The following CCDC78 variants were observed in gnomAD, a reference collection of about 807,000 sequenced individuals.
The protein encoded by CCDC78 is coiled-coil domain containing 78.
CCDC78 carries 78 observed loss-of-function variants against 61.9 expected under a neutral mutation model. The ratio of observed to expected loss-of-function variants is 1.26; its 90% CI spans 1.05 to 1.52. CCDC78 has a LOEUF of 1.52. Among genes scored for constraint, CCDC78 ranks in the 40% most tolerant of loss-of-function variants. CCDC78 has a pLI of 0.00. For missense variants in CCDC78, 737 were observed against 615.5 expected, an observed-to-expected ratio of 1.20 and a Z score of -2.09; for synonymous variants, 287 against 251.9, an observed-to-expected ratio of 1.14 and a Z score of -1.32.
Position 724,734 on chromosome 16 carries a change from T to A in CCDC78, c.712A>T (p.Lys238Ter). 1 of 1,612,272 alleles carries A rather than the reference T, an allele frequency of 6.2e-7. No homozygotes were observed. The highest frequency in any genetic ancestry group is 2.2e-5 in the East Asian group (1 of 44,870). The change falls in exon 8 of 14, where the codon AAA (lysine) becomes TAA (stop). Residue 238 changes from lysine to a stop codon, truncating the protein, a stop_gained. Coordinates refer to ENST00000345165, the MANE Select transcript of CCDC78 (RefSeq NM_001378030.1). LOFTEE classifies it high-confidence loss of function. Reference protein sequence around the residue: ...ENARLQLQLKKLKDEYVLRLQ... With the variant: ...ENARLQLQLK ...CGTAGGACGTACTCATCCTTCAGTT[T>A]CTTGAGCTGCAGCTGCAGCCGGGCA...
Position 723,033 on chromosome 16 carries a change from G to A in CCDC78, c.1201-11C>T, listed in dbSNP as rs894597785. 1 of 1,612,568 alleles carries A rather than the reference G, an allele frequency of 6.2e-7. No homozygotes were observed. Among genetic ancestry groups the A allele is most frequent in the East Asian group, 2.2e-5 (1 of 44,878 alleles). Reference sequence around the variant, plus strand: ...CCGTTCCAGCTCTGCCTGGCATGGGGATGTAAGCCATGAGCTGGGGCATGG... The same window carrying A: ...CCGTTCCAGCTCTGCCTGGCATGGGAATGTAAGCCATGAGCTGGGGCATGG... On this transcript the variant is annotated splice_polypyrimidine_tract_variant and intron_variant, in intron 12 of 13. Coordinates refer to ENST00000345165, the MANE Select transcript of CCDC78 (RefSeq NM_001378030.1).
intron 3 of CCDC78, 101 bp from the exon 4 acceptor site, chr16:725,681 G>A: frequency 6.4e-7 from 1 of 1,573,240 alleles, no homozygotes; most frequent in Non-Finnish European, 8.6e-7. Flanking sequence ...GCACTCAGAG[G>A]CAGGCTGAGA....
rs2040582167 is a variant in CCDC78, at chr16:724,142, C to T, written c.1017G>A (p.Val339=). 6.2e-7 allele frequency: 1 copy of T among 1,604,162 alleles called. No individual in the cohort carries two copies. The highest frequency in any genetic ancestry group is 8.5e-7 in the Non-Finnish European group (1 of 1,175,586). The change falls in exon 10 of 14, where the codon GTG becomes GTA. Residue 339 remains valine (V), a synonymous_variant. Transcript: ENST00000345165. ...GATGGCTGAAGTCAGTGACCAGGGG[C>T]ACGGGCAATGGTTCCAGGTCCAAGC... ...IASLDLEPLP[V]PLVTDFSHRE...
Position 724,087 on chromosome 16 carries a change from T to TG in CCDC78, c.1053+18dup. On this transcript the variant is annotated intron_variant, in intron 10 of 13. Coordinates refer to ENST00000345165, the MANE Select transcript of CCDC78 (RefSeq NM_001378030.1). Reference sequence around the variant, plus strand: ...GGGGGGCACCCGGGCCTGGAGCTTCTGGGGGTCTCTAGCCTCACCTGGTCC... The same window carrying TG: ...GGGGGGCACCCGGGCCTGGAGCTTCTGGGGGGTCTCTAGCCTCACCTGGTCC... 6.3e-7 allele frequency: 1 copy of TG among 1,576,712 alleles called. No individual in the cohort carries two copies. Among genetic ancestry groups the TG allele is most frequent in the Non-Finnish European group, 8.6e-7 (1 of 1,161,654 alleles).
rs2040353234 is a variant in CCDC78 at position 722,908 on chromosome 16, C to T, written c.1301+14G>A. On this transcript the variant is annotated intron_variant, in intron 13 of 13. Coordinates refer to ENST00000345165, the MANE Select transcript of CCDC78 (RefSeq NM_001378030.1). ...ACCAGGGCCCTGGGGTCACACCCAG[C>T]TCCCTCTGCCCACCTGCCCAGGTGC... 3 of 1,611,584 alleles carry T rather than the reference C, an allele frequency of 1.9e-6. No homozygotes were observed. The highest frequency in any genetic ancestry group is 2.7e-5 in the African/African-American group (2 of 74,924).
intron 11 of CCDC78, chr16:723,408 CCAGA>C (rs1484168587): frequency 1.4e-6 from 1 of 699,418 alleles, no homozygotes; most frequent in Admixed American, 2.0e-5. Context: ...CAAGGCCAGC[CCAGA>C]CAGTGACTCC....
In CCDC78 at chr16:724,306, TC is replaced by T. The variant is rs751454157; in HGVS notation, c.953+15del. 698 of 1,606,796 alleles carry T rather than the reference TC, an allele frequency of 4.3e-4. 1 individual carries two copies. Among genetic ancestry groups the T allele is most frequent in the South Asian group, 1.1e-3 (97 of 90,740 alleles). On this transcript the variant is annotated intron_variant, in intron 9 of 13. Transcript: ENST00000345165. ...ACCCACAGATGCCTGACACCTCCCA[TC>T]CCAGCGGGGCCCACCTGTAGGCAAC...
chr16:723,833 C>T (rs1214943101), intron 11 of CCDC78, 24 bp downstream of exon 11: 44 of 1,559,894 alleles, frequency 2.8e-5, no homozygotes, highest in Non-Finnish European at 3.4e-5. Context: ...CACAGGCCTC[C>T]CCCACACCCA....
In CCDC78 at chr16:723,614, C is replaced by T. The variant is rs1339957044; in HGVS notation, c.1133+243G>A. On this transcript the variant is annotated intron_variant, in intron 11 of 13. Transcript: ENST00000345165. ...CGGAAACCTCCCTCAGGTGTGCTCT[C>T]CCTGATCCTCCGTGTTCAAGGCCAG... The T allele has an allele frequency of 4.3e-6, 3 of 693,614 alleles. No homozygotes were observed. The South Asian group carries it at 4.5e-5, about 10-fold the overall frequency. 43.0% of individuals were successfully genotyped at this position (693,614 alleles called of 1,614,324 possible).
chr16:725,255 C>T lies in CCDC78; in HGVS notation c.474G>A (p.Gln158=), dbSNP rs1473631191. The T allele has an allele frequency of 3.1e-6, 5 of 1,607,662 alleles. No individual in the cohort carries two copies. The highest frequency in any genetic ancestry group is 1.1e-5 in the South Asian group (1 of 91,080). The change falls in exon 5 of 14, where the codon CAG becomes CAA. Residue 158 remains glutamine (Q), a synonymous_variant. Transcript: ENST00000345165. ...CACTCACGCCGCTCCCCAGCCTGTG[C>T]TGCTCATTCTCGGGGTTCATGGTGT... ...PKNTMNPENE[Q]HRLGSGLQGE... is the part of the protein sequence containing the mutation.
intron 3 of CCDC78, 84 bp from the exon 4 acceptor site, chr16:725,664 G>T: frequency 1.3e-6 from 2 of 1,578,842 alleles, no homozygotes; most frequent in Non-Finnish European, 1.7e-6. Flanking sequence ...ACGCTCAGGG[G>T]CGCGCAGCAC....
At chr16:723,288 TG>T (rs1437911258) in intron 11 of CCDC78, 127 bp from the exon 12 acceptor site, 5 of 1,052,982 alleles carry the variant, frequency 4.7e-6, no homozygotes, top group Middle Eastern at 2.0e-4. Flanking sequence ...GAGGGAGGCA[TG>T]GGCCCCCCCC....
upstream of CCDC78, chr16:726,752 G>A (rs2040979443): frequency 1.6e-5 from 5 of 319,106 alleles, 1 homozygote; most frequent in South Asian, 2.5e-4. Flanking sequence ...TAGCAGTGCT[G>A]GCTGAGCCCC....
chr16:722,857 C>T, intron 13 of CCDC78, 65 bp downstream of exon 13: 1 of 1,607,626 alleles, frequency 6.2e-7, no homozygotes, highest in Non-Finnish European at 8.5e-7. Flanking sequence ...GCGCCTGAGG[C>T]AGCCATCATC....
In CCDC78 at chr16:725,237, G is replaced by A. The variant is rs144396385; in HGVS notation, c.492C>T (p.Gly164=). Residue 164 remains glycine (G), a splice_region_variant and synonymous_variant, in exon 5 of 14, where the codon GGC becomes GGT. Coordinates refer to ENST00000345165, the MANE Select transcript of CCDC78 (RefSeq NM_001378030.1). Reference sequence around the variant, plus strand: ...CTGAGCTAGGTGGCTGCACACTCACGCCGCTCCCCAGCCTGTGCTGCTCAT... The same window carrying A: ...CTGAGCTAGGTGGCTGCACACTCACACCGCTCCCCAGCCTGTGCTGCTCAT... The part of the protein sequence containing the change: ...PENEQHRLGS[G]LQGEVKWALE... 8.0e-4 allele frequency: 1,290 copies of A among 1,608,276 alleles called. No homozygotes were observed. The highest frequency in any genetic ancestry group is 1.0e-3 in the Non-Finnish European group (1,180 of 1,179,940).
In CCDC78 at chr16:722,793, C is replaced by T. The variant is rs1305923212; in HGVS notation, c.1302-4G>A. 3 of 1,612,536 alleles carry T rather than the reference C, an allele frequency of 1.9e-6. No individual in the cohort carries two copies. The highest frequency in any genetic ancestry group is 2.5e-6 in the Non-Finnish European group (3 of 1,179,936). Reference sequence around the variant, plus strand: ...CCTCAGGATTTCGTGCTTGTACCTGCTCAGAGGAACCATGCTTAAGTGACT... The same window carrying T: ...CCTCAGGATTTCGTGCTTGTACCTGTTCAGAGGAACCATGCTTAAGTGACT... On this transcript the variant is annotated splice_polypyrimidine_tract_variant and splice_region_variant and intron_variant, in intron 13 of 13. Coordinates refer to ENST00000345165, the MANE Select transcript of CCDC78 (RefSeq NM_001378030.1).
In CCDC78 at chr16:725,459, C is replaced by T. The variant is rs375016420; in HGVS notation, c.389G>A (p.Arg130Lys). 298 of 1,612,684 alleles carry T rather than the reference C, an allele frequency of 1.8e-4. No individual in the cohort carries two copies. The highest frequency in any genetic ancestry group is 2.4e-4 in the Non-Finnish European group (284 of 1,179,992). Residue 130 changes from arginine to lysine, a missense_variant, in exon 4 of 14, where the codon AGA becomes AAA. By Grantham distance (26) the Arg-to-Lys change is conservative. Coordinates refer to ENST00000345165, the MANE Select transcript of CCDC78 (RefSeq NM_001378030.1). ...GTGTCCAGGCACCTGGGCTTTGTGT[C>T]TGAGCTCTTGGGCTGCTGCCCGGGG... Reference protein sequence around the residue: ...RHPRAAAQELRHKAQVPGHSD... With the variant: ...RHPRAAAQELKHKAQVPGHSD...
At position 724,160 on chromosome 16, in the gene CCDC78, G is replaced by A. The variant is rs1450643801; in HGVS notation, c.999C>T (p.Asp333=). 1.2e-6 allele frequency: 2 copies of A among 1,605,750 alleles called. No homozygotes were observed. Among genetic ancestry groups the A allele is most frequent in the East Asian group, 2.2e-5 (1 of 44,788 alleles). ...CCAGGGGCACGGGCAATGGTTCCAG[G>A]TCCAAGCTGGCTATGTCAAAAATAG... The part of the protein sequence containing the change: ...PQAIFDIASL[D]LEPLPVPLVT... Residue 333 remains aspartate (D), a synonymous_variant, in exon 10 of 14, where the codon GAC becomes GAT. Transcript: ENST00000345165.
In CCDC78 at chr16:724,802, A is replaced by G; in HGVS notation, c.644T>C (p.Leu215Pro). The G allele has an allele frequency of 6.2e-7, 1 of 1,612,106 alleles. No individual in the cohort carries two copies. The highest frequency in any genetic ancestry group is 1.3e-5 in the African/African-American group (1 of 75,054). Residue 215 changes from leucine (L) to proline (P), a missense_variant, in exon 8 of 14, where the codon CTG becomes CCG. Coordinates refer to ENST00000345165, the MANE Select transcript of CCDC78 (RefSeq NM_001378030.1). ...GQRLATQAVV[L>P]CSCQGQLRQA... ...ACGGAGCTGGCCTTGGCAGCTGCACAGCACCTGGGGTGGAAGCAGCCCTCC... is the reference window on the plus strand; with the variant it reads ...ACGGAGCTGGCCTTGGCAGCTGCACGGCACCTGGGGTGGAAGCAGCCCTCC...
Sources: allele counts gnomAD v4.1 joint callset, GRCh38; gene constraint gnomAD v4.1.1; transcripts MANE v1.5; gene names NCBI Gene and HGNC (gene_info 2026-07-23, HGNC 2026-07-21).